CRISP1: variants seen among roughly 807,000 people sequenced by gnomAD.
The protein encoded by CRISP1 is cysteine-rich secretory protein 1.
CRISP1 carries 44 observed loss-of-function variants against 33.1 expected under a neutral mutation model. That is an observed-to-expected ratio of 1.33 (90% CI 1.05 to 1.71). The LOEUF (loss-of-function observed/expected upper bound fraction) is 1.71, where lower values mean the gene tolerates loss of function less well. Ranked by LOEUF, CRISP1 falls within the 40% of genes most tolerant of loss-of-function variation. The probability of loss-of-function intolerance (pLI) is 0.00; values close to 1 mark genes in which losing one functional copy is unlikely to be tolerated. For synonymous variants in CRISP1, 103 were observed against 98.7 expected (o/e 1.04, Z -0.26); for missense variants, 390 against 301.2 (o/e 1.29, Z -2.18).
At chr6:49,835,717 A>G (rs1770767128) in intron 7 of CRISP1, among the ~76,000 whole-genome samples, 1 of 152,210 alleles carries the variant, frequency 6.6e-6, no homozygotes, top group African/African-American at 2.4e-5. Flanking sequence ...CATATTTTTA[A>G]TTACACTGTC....
At chr6:49,848,371 A>G (rs1270303029) in intron 3 of CRISP1, 72 bp from the exon 4 acceptor site, 1 of 881,842 alleles carries the variant, frequency 1.1e-6, no homozygotes, top group Non-Finnish European at 1.7e-6. Flanking sequence ...ATTGTTTTTA[A>G]TAATCCACGA....
rs762995653 is a variant in CRISP1 at position 49,846,553 on chromosome 6, C to T, written c.402G>A (p.Thr134=). 15 of 1,613,290 alleles carry T rather than the reference C, an allele frequency of 9.3e-6. No homozygotes were observed. The highest frequency in any genetic ancestry group is 5.5e-5 in the South Asian group (5 of 91,048). Reference sequence around the variant, plus strand: ...AGTGGTCAGTAGTTATGTCATCATCCGTTGTTGTCCATTCTCCATGTTTGA... The same window carrying T: ...AGTGGTCAGTAGTTATGTCATCATCTGTTGTTGTCCATTCTCCATGTTTGA... ...TSFKHGEWTT[T]DDDITTDHYT... The change falls in exon 5 of 8, where the codon ACG becomes ACA. Residue 134 remains threonine (T), a synonymous_variant. Coordinates refer to ENST00000335847, the MANE Select transcript of CRISP1 (RefSeq NM_001131.3).
Position 49,835,148 on chromosome 6 carries a change from T to G in CRISP1, c.*168A>C. ...ACCTTTTACTCCAGCACTAAGAAAGTTTAAAACAGTGTTACTTCAGGATGT... is the reference window on the plus strand; with the variant it reads ...ACCTTTTACTCCAGCACTAAGAAAGGTTAAAACAGTGTTACTTCAGGATGT... On this transcript the variant is annotated 3_prime_UTR_variant, in exon 8 of 8. Transcript: ENST00000335847. The G allele has an allele frequency of 1.6e-6, 1 of 619,020 alleles. No individual in the cohort carries two copies. The highest frequency in any genetic ancestry group is 2.6e-6 in the Non-Finnish European group (1 of 378,356). 38.3% of individuals were successfully genotyped at this position (619,020 alleles called of 1,614,324 possible). A position where few individuals can be genotyped will look rare whatever the true frequency, so the allele number is the denominator to read the frequency against.
intron 2 of CRISP1, among the ~76,000 whole-genome samples, chr6:49,857,030 A>G (rs910170702): frequency 1.3e-5 from 2 of 152,126 alleles, no homozygotes; most frequent in Non-Finnish European, 2.9e-5. Flanking sequence ...TTCCTGTGTT[A>G]TTCAGAGAGG....
At chr6:49,839,180 A>G (rs557315393) in intron 6 of CRISP1, among the ~76,000 whole-genome samples, 174 of 149,920 alleles carry the variant, frequency 1.2e-3, no homozygotes, top group Non-Finnish European at 2.1e-3. Flanking sequence ...TATCCCTGTA[A>G]TCCCAGCACT....
At chr6:49,848,612 A>G (rs778656522) in intron 3 of CRISP1, among the ~76,000 whole-genome samples, 23 of 152,136 alleles carry the variant, frequency 1.5e-4, no homozygotes, top group Non-Finnish European at 3.1e-4. Context: ...ATTTATTTGT[A>G]GTTTAAACTC....
At chr6:49,852,976 A>G (rs923622364) in intron 2 of CRISP1, among the ~76,000 whole-genome samples, 1 of 152,028 alleles carries the variant, frequency 6.6e-6, no homozygotes, top group Non-Finnish European at 1.5e-5. Context: ...CTTAACTACC[A>G]CATGACCATC....
chr6:49,847,434 G>C (rs986397746), intron 4 of CRISP1, among the ~76,000 whole-genome samples: 1 of 151,986 alleles, frequency 6.6e-6, no homozygotes, highest in Non-Finnish European at 1.5e-5. Flanking sequence ...ATGAGATCTG[G>C]TTGTTTAAAA....
intron 1 of CRISP1, among the ~76,000 whole-genome samples, chr6:49,858,690 T>C (rs1394732435): frequency 6.6e-6 from 1 of 152,180 alleles, no homozygotes; most frequent in Non-Finnish European, 1.5e-5. Flanking sequence ...TATCGTAATA[T>C]GGTGACACAG....
In CRISP1 at chr6:49,848,312, G is replaced by T; in HGVS notation, c.196-13C>A. 2 of 1,445,932 alleles carry T rather than the reference G, an allele frequency of 1.4e-6. No homozygotes were observed. The highest frequency in any genetic ancestry group is 1.5e-5 in the African/African-American group (1 of 68,786). 89.6% of individuals were successfully genotyped at this position (1,445,932 alleles called of 1,614,324 possible). A position where few individuals can be genotyped will look rare whatever the true frequency, so the allele number is the denominator to read the frequency against. On this transcript the variant is annotated splice_polypyrimidine_tract_variant and intron_variant, in intron 3 of 7. Coordinates refer to ENST00000335847, the MANE Select transcript of CRISP1 (RefSeq NM_001131.3). ...CTTCACTCCAACTCTGTAGTGGAAA[G>T]AAAAAAAAAGCACATGTTCCAATTA...
chr6:49,852,139 G>C lies in CRISP1; in HGVS notation c.67-10C>G, dbSNP rs1189046225. The C allele has an allele frequency of 6.2e-7, 1 of 1,607,878 alleles. No homozygotes were observed. Among genetic ancestry groups the C allele is most frequent in the Non-Finnish European group, 8.5e-7 (1 of 1,178,044 alleles). On this transcript the variant is annotated splice_polypyrimidine_tract_variant and intron_variant, in intron 2 of 7. Transcript: ENST00000335847. ...CTCTAGCTGATTTCTTCTGTTACCA[G>C]AAAAATATTAATTAGTGTTACTTCT... is the stretch of plus-strand genomic sequence containing the variant.
chr6:49,840,893 C>T lies in CRISP1; in HGVS notation c.533+5G>A, dbSNP rs1289261393. On this transcript the variant is annotated splice_donor_5th_base_variant and intron_variant, in intron 6 of 7. Coordinates refer to ENST00000335847, the MANE Select transcript of CRISP1 (RefSeq NM_001131.3). ...ATATATATTTTAAAAACTAATAATACATACTCATGACAATAGTGACAAACG... is the reference window on the plus strand; with the variant it reads ...ATATATATTTTAAAAACTAATAATATATACTCATGACAATAGTGACAAACG... 1 of 1,607,370 alleles carries T rather than the reference C, an allele frequency of 6.2e-7. No homozygotes were observed. Among genetic ancestry groups the T allele is most frequent in the Non-Finnish European group, 8.5e-7 (1 of 1,174,864 alleles).
Position 49,834,743 on chromosome 6 carries a change from C to T in CRISP1, c.*573G>A, listed in dbSNP as rs903559259. 4 of 151,968 alleles carry T rather than the reference C, an allele frequency of 2.6e-5. No individual in the cohort carries two copies. Among genetic ancestry groups the T allele is most frequent in the Admixed American group, 6.6e-5 (1 of 15,252 alleles). 9.4% of individuals were successfully genotyped at this position (151,968 alleles called of 1,614,324 possible). A position where few individuals can be genotyped will look rare whatever the true frequency, so the allele number is the denominator to read the frequency against. ...TTTGTTAAATTAATGGCATACGAAG[C>T]TTTTTTATTGTTTCTTGCTTCACAA... On this transcript the variant is annotated 3_prime_UTR_variant, in exon 8 of 8. Transcript: ENST00000335847.
intron 5 of CRISP1, among the ~76,000 whole-genome samples, chr6:49,844,629 C>T (rs1771100610): frequency 7.7e-6 from 1 of 129,490 alleles, no homozygotes; most frequent in Non-Finnish European, 1.9e-5. Context: ...AGGCTGCCCA[C>T]AGAGCCATGG....
At chr6:49,849,957 C>T (rs1022831590) in intron 3 of CRISP1, among the ~76,000 whole-genome samples, 1 of 151,948 alleles carries the variant, frequency 6.6e-6, no homozygotes, top group African/African-American at 2.4e-5. Context: ...AGTGTATAGC[C>T]TCTCTGGGCT....
intron 1 of CRISP1, 93 bp from the exon 2 acceptor site, chr6:49,857,495 AT>A (rs1771529251): frequency 5.7e-5 from 70 of 1,222,894 alleles, no homozygotes; most frequent in South Asian, 6.7e-5. Flanking sequence ...ATGTGTTTGC[AT>A]TTTTTTTCCT....
intron 1 of CRISP1, among the ~76,000 whole-genome samples, chr6:49,858,128 C>A (rs1771544539): frequency 6.6e-6 from 1 of 152,154 alleles, no homozygotes; most frequent in Admixed American, 6.5e-5. Flanking sequence ...AGAGGAGTAA[C>A]TTGCTACTAC....
chr6:49,843,350 C>G (rs1771054094), intron 5 of CRISP1, among the ~76,000 whole-genome samples: 1 of 152,132 alleles, frequency 6.6e-6, no homozygotes, highest in Non-Finnish European at 1.5e-5. Context: ...GCATTAATTT[C>G]TGTGATTATG....
At chr6:49,837,826 GCTAT>G (rs1167140078) in intron 7 of CRISP1, among the ~76,000 whole-genome samples, 2 of 151,636 alleles carry the variant, frequency 1.3e-5, no homozygotes, top group South Asian at 2.1e-4. Flanking sequence ...GTGAAATTTG[GCTAT>G]CTAAGGGAAT....
Sources: allele counts gnomAD v4.1 joint callset (sites outside exome capture counted in the v4.1 genomes callset), GRCh38; gene constraint gnomAD v4.1.1; transcripts MANE v1.5; gene names NCBI Gene and HGNC (gene_info 2026-07-23, HGNC 2026-07-21).